The following NLRP12 variants were observed in gnomAD, a reference collection of about 807,000 sequenced individuals.
NLRP12 encodes NACHT, LRR and PYD domains-containing protein 12.
NLRP12 carries 108 observed loss-of-function variants against 91.2 expected under a neutral mutation model. The ratio of observed to expected loss-of-function variants is 1.18; its 90% confidence interval spans 1.01 to 1.39. NLRP12 has a LOEUF of 1.39. Ranked by LOEUF, NLRP12 falls within the 40% of genes most tolerant of loss-of-function variation. The pLI is 0.00. For synonymous variants in NLRP12, 613 were observed against 566.7 expected (o/e 1.08, Z -1.16); for missense variants, 1,530 against 1,352.7 (o/e 1.13, Z -2.06).
At position 53,810,218 on chromosome 19, in the gene NLRP12, G is replaced by A; in HGVS notation, c.1441C>T (p.Leu481Phe). The A allele has an allele frequency of 6.2e-7, 1 of 1,614,190 alleles. No individual in the cohort carries two copies. The highest frequency in any genetic ancestry group is 1.3e-5 in the African/African-American group (1 of 75,060). Residue 481 changes from leucine to phenylalanine, a missense_variant, in exon 3 of 10, where the codon CTC (leucine) becomes TTC (phenylalanine). By Grantham distance (22) the Leu-to-Phe change is conservative (BLOSUM62 0). Transcript: ENST00000324134. ...TCCCCGTCTAGGCCGTGCTTCCGGAGGTCCTGCTCCTCAAATAGGATTTTC... is the reference window on the plus strand; with the variant it reads ...TCCCCGTCTAGGCCGTGCTTCCGGAAGTCCTGCTCCTCAAATAGGATTTTC... ...NQKILFEEQD[L>F]RKHGLDGEDV...
chr19:53,815,041 G>T, intron 1 of NLRP12, 53 bp from the exon 2 acceptor site: 1 of 1,329,032 alleles, frequency 7.5e-7, no homozygotes, highest in South Asian at 1.2e-5. Context: ...TAGTAGCACC[G>T]CGTCATATTA....
At position 53,805,381 on chromosome 19, in the gene NLRP12, A is replaced by C. The variant is rs1274216692; in HGVS notation, c.2313T>G (p.Asn771Lys). The C allele has an allele frequency of 6.2e-7, 1 of 1,614,056 alleles. No homozygotes were observed. The highest frequency in any genetic ancestry group is 1.7e-5 in the Admixed American group (1 of 59,972). The change falls in exon 5 of 10, where the codon AAT (asparagine) becomes AAG (lysine). Residue 771 changes from asparagine to lysine, a missense_variant. Transcript: ENST00000324134. Reference sequence around the variant, plus strand: ...TGCCACTGAGATCCATCCTTGTCAAATTCTTATTGGCTATGAGAGCTGCAG... The same window carrying C: ...TGCCACTGAGATCCATCCTTGTCAACTTCTTATTGGCTATGAGAGCTGCAG... ...DLSAALIANK[N>K]LTRMDLSGNG...
chr19:53,801,652 G>A (rs2091877107), intron 6 of NLRP12, among the ~76,000 whole-genome samples: 2 of 151,276 alleles, frequency 1.3e-5, no homozygotes, highest in Non-Finnish European at 1.5e-5. Context: ...AGGGTTTCTC[G>A]CCATGTTGGC....
chr19:53,818,763 G>A (rs748008771), intron 1 of NLRP12, among the ~76,000 whole-genome samples: 7 of 152,186 alleles, frequency 4.6e-5, no homozygotes, highest in African/African-American at 2.4e-5. Context: ...TAGGCATGCC[G>A]CGAGAACCAG....
Position 53,795,979 on chromosome 19 carries a change from G to A in NLRP12, c.2978C>T (p.Thr993Ile). The A allele has an allele frequency of 6.2e-7, 1 of 1,614,122 alleles. No individual in the cohort carries two copies. The highest frequency in any genetic ancestry group is 8.5e-7 in the Non-Finnish European group (1 of 1,180,008). ...TAKACENLYF[T>I]LGINQTLTDL... ...GGTCAAGGTCTGGTTGATCCCCAGG[G>A]TGAAGTAAAGATTCTCACAAGCCTT... The change falls in exon 9 of 10, where the codon ACC becomes ATC. Residue 993 changes from threonine (T) to isoleucine (I), a missense_variant. Coordinates refer to ENST00000324134, the MANE Select transcript of NLRP12 (RefSeq NM_144687.4).
intron 4 of NLRP12, 100 bp downstream of exon 4, chr19:53,807,395 G>A (rs1374991820): frequency 4.9e-6 from 6 of 1,218,176 alleles, no homozygotes; most frequent in Admixed American, 4.3e-5. Flanking sequence ...GGCAGCCGTA[G>A]CCAACGAATA....
intron 2 of NLRP12, 123 bp from the exon 3 acceptor site, chr19:53,811,411 G>A: frequency 1.8e-6 from 2 of 1,092,810 alleles, no homozygotes; most frequent in Non-Finnish European, 2.8e-6. Context: ...CTACTCAGGA[G>A]GCTGAGATGG....
intron 1 of NLRP12, among the ~76,000 whole-genome samples, chr19:53,816,453 T>C (rs1190451294): frequency 6.6e-6 from 1 of 151,630 alleles, no homozygotes; most frequent in Non-Finnish European, 1.5e-5. Context: ...TCTGTGTGAC[T>C]AATAAACTGT....
Position 53,807,707 on chromosome 19 carries a change from G to C in NLRP12, c.2073-42C>G, listed in dbSNP as rs2866112. 0.86 allele frequency: 1,389,697 copies of C among 1,610,424 alleles called. 601,810 individuals are homozygous for C. The highest frequency in any genetic ancestry group is 0.88 in the Non-Finnish European group (1,039,617 of 1,177,056). On this transcript the variant is annotated intron_variant, in intron 3 of 9. Transcript: ENST00000324134. ...CAGGCCACTCTCTGGTGTTACTGGT[G>C]CTTGACAACTATGGCCTTTGCATGT...
At chr19:53,797,727 A>G (rs2091792247) in intron 8 of NLRP12, among the ~76,000 whole-genome samples, 1 of 147,806 alleles carries the variant, frequency 6.8e-6, no homozygotes, top group Non-Finnish European at 1.5e-5. Context: ...CTCTTTTGTA[A>G]TTTTTAAATT....
intron 1 of NLRP12, among the ~76,000 whole-genome samples, chr19:53,817,161 G>T (rs940331554): frequency 6.6e-6 from 1 of 151,966 alleles, no homozygotes; most frequent in African/African-American, 2.4e-5. Context: ...GGGCATGGTG[G>T]CAGGCACCTG....
At chr19:53,801,858 C>T (rs943978795) in intron 6 of NLRP12, among the ~76,000 whole-genome samples, 3 of 150,682 alleles carry the variant, frequency 2.0e-5, no homozygotes, top group Non-Finnish European at 3.0e-5. Context: ...TTTGGGAGGC[C>T]GAGGCTGGCA....
At position 53,810,754 on chromosome 19, in the gene NLRP12, G is replaced by C. The variant is rs2092057035; in HGVS notation, c.905C>G (p.Ser302Cys). 1 of 1,614,022 alleles carries C rather than the reference G, an allele frequency of 6.2e-7. No individual in the cohort carries two copies. Among genetic ancestry groups the C allele is most frequent in the Non-Finnish European group, 8.5e-7 (1 of 1,179,956 alleles). ...CCAGGGTCCCTGAGGATCGTGGAAA[G>C]AAGGCTTGAGCTCATCGAAGCCGTC... ...IIDGFDELKP[S>C]FHDPQGPWCL... The change falls in exon 3 of 10, where the codon TCT (serine) becomes TGT (cysteine). Residue 302 changes from serine (S) to cysteine (C), a missense_variant. Coordinates refer to ENST00000324134, the MANE Select transcript of NLRP12 (RefSeq NM_144687.4).
chr19:53,824,021 C>A lies in NLRP12; in HGVS notation c.154G>T (p.Gly52Cys). The change falls in exon 1 of 10, where the codon GGT becomes TGT. Residue 52 changes from glycine (G) to cysteine (C), a missense_variant. Physicochemically the swap from Gly to Cys is radical, Grantham distance 159. Transcript: ENST00000324134. ...KIPWGSMEKA[G>C]PLEMAQLLIT... Reference sequence around the variant, plus strand: ...AGCAGCTGGGCCATTTCCAGGGGACCGGCCTTCTCCATGCTTCCCCAGGGG... The same window carrying A: ...AGCAGCTGGGCCATTTCCAGGGGACAGGCCTTCTCCATGCTTCCCCAGGGG... The A allele has an allele frequency of 6.2e-7, 1 of 1,614,182 alleles. No individual in the cohort carries two copies. Among genetic ancestry groups the A allele is most frequent in the Non-Finnish European group, 8.5e-7 (1 of 1,180,036 alleles).
chr19:53,803,380 A>G (rs1489774779), intron 6 of NLRP12, among the ~76,000 whole-genome samples: 1 of 151,524 alleles, frequency 6.6e-6, no homozygotes, highest in Non-Finnish European at 1.5e-5. Context: ...GGGCTTCTCC[A>G]TGTTGGTCAG....
At chr19:53,821,646 C>T (rs1388482021) in intron 1 of NLRP12, among the ~76,000 whole-genome samples, 3 of 151,950 alleles carry the variant, frequency 2.0e-5, no homozygotes, top group Admixed American at 1.3e-4. Flanking sequence ...CCAGCCTGGG[C>T]GACAGAGCAA....
intron 6 of NLRP12, 109 bp downstream of exon 6, chr19:53,803,843 G>A (rs887805838): frequency 8.1e-6 from 9 of 1,117,298 alleles, no homozygotes; most frequent in Middle Eastern, 2.0e-4. Context: ...CAAAGTGCCG[G>A]GATTACAGGC....
chr19:53,810,353 T>C lies in NLRP12; in HGVS notation c.1306A>G (p.Met436Val), dbSNP rs756022301. The change falls in exon 3 of 10, where the codon ATG becomes GTG. Residue 436 changes from methionine to valine, a missense_variant. Met to Val is a conservative substitution (Grantham distance 21, BLOSUM62 1). Coordinates refer to ENST00000324134, the MANE Select transcript of NLRP12 (RefSeq NM_144687.4). ...TGCATCAGACTCAGCAGGTAGAGCA[T>C]GTACACTGCAGTGGTGGTCCTGGAC... Reference protein sequence around the residue: ...QTSRTTTAVYMLYLLSLMQPK... With the variant: ...QTSRTTTAVYVLYLLSLMQPK... 3 of 1,613,552 alleles carry C rather than the reference T, an allele frequency of 1.9e-6. No individual in the cohort carries two copies. Among genetic ancestry groups the C allele is most frequent in the Admixed American group, 3.3e-5 (2 of 59,980 alleles).
chr19:53,795,918 T>G lies in NLRP12; in HGVS notation c.3039A>C (p.Thr1013=). The G allele has an allele frequency of 6.2e-7, 1 of 1,614,004 alleles. No homozygotes were observed. The highest frequency in any genetic ancestry group is 1.1e-5 in the South Asian group (1 of 91,084). ...LYLTNNALGD[T]GVRLLCKRLS... is the part of the protein sequence containing the mutation. ...GCCGCTTGCAAAGCAGTCGGACACCTGTGTCCCCTAGGGCGTTGTTGGTCA... is the reference window on the plus strand; with the variant it reads ...GCCGCTTGCAAAGCAGTCGGACACCGGTGTCCCCTAGGGCGTTGTTGGTCA... The change falls in exon 9 of 10, where the codon ACA becomes ACC. Residue 1013 remains threonine, a synonymous_variant. Coordinates refer to ENST00000324134, the MANE Select transcript of NLRP12 (RefSeq NM_144687.4).
Sources: allele counts gnomAD v4.1 joint callset (sites outside exome capture counted in the v4.1 genomes callset), GRCh38; gene constraint gnomAD v4.1.1; transcripts MANE v1.5; gene names NCBI Gene and HGNC (gene_info 2026-07-23, HGNC 2026-07-21).